The following ABCG8 variants were observed in gnomAD, a reference collection of about 807,000 sequenced individuals.
ABCG8 encodes the protein ATP binding cassette subfamily G member 8.
A neutral mutation model predicts 71.3 loss-of-function variants in ABCG8; 81 were observed. That is an observed-to-expected ratio of 1.14 (90% confidence interval 0.95 to 1.37). The LOEUF (loss-of-function observed/expected upper bound fraction) is 1.37. ABCG8 is among the 40% of genes most tolerant of loss of function. ABCG8 has a pLI of 0.00. For synonymous variants in ABCG8, 451 were observed against 354.7 expected, an observed-to-expected ratio of 1.27 and a Z score of -3.05; for missense variants, 1,119 against 866.2, an observed-to-expected ratio of 1.29 and a Z score of -3.66.
chr2:43,861,485 T>C (rs1669316063), intron 6 of ABCG8, among the ~76,000 whole-genome samples: 1 of 151,118 alleles, frequency 6.6e-6, no homozygotes, highest in Non-Finnish European at 1.5e-5. Flanking sequence ...TCACTATCTA[T>C]CTGGATAGAA....
intron 1 of ABCG8, among the ~76,000 whole-genome samples, chr2:43,842,154 G>T (rs1668600477): frequency 6.6e-6 from 1 of 151,992 alleles, no homozygotes; most frequent in Non-Finnish European, 1.5e-5. Context: ...GGACTATAGG[G>T]GTGTGCCACC....
In ABCG8 at chr2:43,878,163, C is replaced by T; in HGVS notation, c.*250C>T. 3.5e-6 allele frequency: 2 copies of T among 565,824 alleles called. No individual in the cohort carries two copies. The highest frequency in any genetic ancestry group is 6.3e-6 in the Non-Finnish European group (2 of 317,146). 35.1% of individuals were successfully genotyped at this position (565,824 alleles called of 1,614,324 possible). A position where few individuals can be genotyped will look rare whatever the true frequency, so the allele number is the denominator to read the frequency against. On this transcript the variant is annotated 3_prime_UTR_variant, in exon 13 of 13. Transcript: ENST00000272286. Reference sequence around the variant, plus strand: ...GGAGAAAACCTGCACTCGGTGGCACCTACAACGTTGCTAATTTATTTCCTT... The same window carrying T: ...GGAGAAAACCTGCACTCGGTGGCACTTACAACGTTGCTAATTTATTTCCTT...
chr2:43,843,111 A>T (rs1668632244), intron 1 of ABCG8, among the ~76,000 whole-genome samples: 1 of 152,204 alleles, frequency 6.6e-6, no homozygotes, highest in Admixed American at 6.5e-5. Flanking sequence ...CCCTGGTCAG[A>T]TGCTTGAGGT....
chr2:43,858,749 G>T (rs1317341577), intron 6 of ABCG8, among the ~76,000 whole-genome samples: 1 of 147,756 alleles, frequency 6.8e-6, no homozygotes, highest in Non-Finnish European at 1.5e-5. Context: ...TCACTATCTG[G>T]ATAGAATTCT....
chr2:43,863,083 C>T (rs1249340770), intron 6 of ABCG8, among the ~76,000 whole-genome samples: 2 of 150,852 alleles, frequency 1.3e-5, no homozygotes, highest in Admixed American at 1.3e-4. Flanking sequence ...AGGGTTCTCA[C>T]CATATGGATA....
intron 10 of ABCG8, 66 bp from the exon 11 acceptor site, chr2:43,875,080 T>C: frequency 1.2e-6 from 2 of 1,611,276 alleles, no homozygotes. Flanking sequence ...CTGCTACTTT[T>C]AAACGTTTAT....
chr2:43,846,401 T>G, intron 3 of ABCG8, 90 bp downstream of exon 3: 4 of 1,566,392 alleles, frequency 2.6e-6, no homozygotes, highest in Non-Finnish European at 3.5e-6. Flanking sequence ...ATGGAGCTCT[T>G]TGCTGACTAG....
chr2:43,845,906 G>A (rs1668728521), intron 2 of ABCG8, among the ~76,000 whole-genome samples: 1 of 152,066 alleles, frequency 6.6e-6, no homozygotes, highest in Admixed American at 6.6e-5. Flanking sequence ...ACAGGCATGA[G>A]CCACCATGCC....
chr2:43,862,468 C>T (rs1251469089), intron 6 of ABCG8, among the ~76,000 whole-genome samples: 1 of 149,930 alleles, frequency 6.7e-6, no homozygotes, highest in African/African-American at 2.5e-5. Flanking sequence ...TTCTCACTCT[C>T]TGGATAGAAT....
chr2:43,843,640 C>T (rs761559126), intron 1 of ABCG8, among the ~76,000 whole-genome samples: 1 of 152,030 alleles, frequency 6.6e-6, no homozygotes, highest in Admixed American at 6.6e-5. Context: ...GGTGATAGAG[C>T]GAGACCCAAT....
chr2:43,863,131 C>G (rs147322283), intron 6 of ABCG8, among the ~76,000 whole-genome samples: 7,760 of 151,304 alleles, frequency 0.051, 234 homozygotes, highest in Middle Eastern at 0.11. Flanking sequence ...TTCTCACTCT[C>G]TGGATATAAC....
intron 6 of ABCG8, among the ~76,000 whole-genome samples, chr2:43,858,551 T>C (rs1485300669): frequency 6.6e-6 from 1 of 151,710 alleles, no homozygotes; most frequent in African/African-American, 2.4e-5. Flanking sequence ...GATAGAACTC[T>C]ATCTGTCTGG....
intron 3 of ABCG8, among the ~76,000 whole-genome samples, chr2:43,850,308 C>T (rs1668873771): frequency 6.6e-6 from 1 of 152,156 alleles, no homozygotes; most frequent in Admixed American, 6.6e-5. Context: ...GCCCAATCCG[C>T]ATTCATAGCT....
Position 43,877,852 on chromosome 2 carries a change from T to G in ABCG8, c.1961T>G (p.Phe654Cys). The change falls in exon 13 of 13, where the codon TTC becomes TGC. Residue 654 changes from phenylalanine (F) to cysteine (C), a missense_variant. Phe to Cys is a radical substitution (Grantham distance 205). Coordinates refer to ENST00000272286, the MANE Select transcript of ABCG8 (RefSeq NM_022437.3). Reference sequence around the variant, plus strand: ...ATCGTCATTGGCCTCAGCGGTGGCTTCATGGTCCTGTACTACGTGTCCTTA... The same window carrying G: ...ATCGTCATTGGCCTCAGCGGTGGCTGCATGGTCCTGTACTACGTGTCCTTA... ...YLIVIGLSGG[F>C]MVLYYVSLRF... 6.2e-7 allele frequency: 1 copy of G among 1,614,130 alleles called. No individual in the cohort carries two copies. Among genetic ancestry groups the G allele is most frequent in the Non-Finnish European group, 8.5e-7 (1 of 1,180,016 alleles).
At chr2:43,865,833 C>G (rs1393313503) in intron 6 of ABCG8, among the ~76,000 whole-genome samples, 1 of 151,824 alleles carries the variant, frequency 6.6e-6, no homozygotes, top group African/African-American at 2.4e-5. Flanking sequence ...AGATCTCTCA[C>G]TATCTATCTG....
chr2:43,867,293 A>G (rs1429322072), intron 6 of ABCG8, among the ~76,000 whole-genome samples: 1 of 152,000 alleles, frequency 6.6e-6, no homozygotes, highest in African/African-American at 2.4e-5. Context: ...ACACGTATGC[A>G]TATGTAACTA....
At chr2:43,859,790 ACT>A (rs1377151280) in intron 6 of ABCG8, among the ~76,000 whole-genome samples, 1 of 142,122 alleles carries the variant, frequency 7.0e-6, no homozygotes, top group East Asian at 2.1e-4. Context: ...GCTGGATAAA[ACT>A]CTCACTATCC....
intron 3 of ABCG8, among the ~76,000 whole-genome samples, chr2:43,850,636 A>T (rs951958148): frequency 2.0e-5 from 3 of 152,088 alleles, no homozygotes; most frequent in Non-Finnish European, 4.4e-5. Context: ...ATCCTTTTTT[A>T]AAAAAGAGTA....
chr2:43,854,999 A>G (rs942787468), intron 6 of ABCG8, among the ~76,000 whole-genome samples: 2 of 152,144 alleles, frequency 1.3e-5, no homozygotes, highest in African/African-American at 2.4e-5. Context: ...GTCAGTGAGA[A>G]ATCTACCTGA....
Sources: gnomAD v4.1 joint callset for allele counts (sites outside exome capture counted in the v4.1 genomes callset) on GRCh38, gnomAD v4.1.1 for gene constraint, MANE v1.5 for transcripts, NCBI Gene and HGNC (gene_info 2026-07-23, HGNC 2026-07-21) for gene names.